Variants in AP3B2 observed in about 807,000 individuals in gnomAD.
The protein encoded by AP3B2 is AP-3 complex subunit beta-2.
A neutral mutation model predicts 126.9 loss-of-function variants in AP3B2; 50 were observed. The observed-to-expected ratio is 0.39, with a 90% CI of 0.31 to 0.50. The LOEUF (loss-of-function observed/expected upper bound fraction) is 0.50. AP3B2 is among the 20% of genes least tolerant of loss of function. AP3B2 has a pLI of 0.79. For missense variants in AP3B2, 1,177 were observed against 1,426.4 expected (o/e 0.83, Z 2.82); for synonymous variants, 541 against 565.0 (o/e 0.96, Z 0.60).
At chr15:82,684,661 C>T (rs2048396749) in intron 4 of AP3B2, among the ~76,000 whole-genome samples, 2 of 152,146 alleles carry the variant, frequency 1.3e-5, no homozygotes, top group Non-Finnish European at 2.9e-5. Flanking sequence ...ACTACAGGTG[C>T]GTACCACCAC....
chr15:82,683,052 T>G (rs997657689), intron 4 of AP3B2, among the ~76,000 whole-genome samples: 9 of 74,300 alleles, frequency 1.2e-4, no homozygotes, highest in African/African-American at 2.9e-4. Context: ...CAGGAGTTTT[T>G]TTTTTTTTTT....
Position 82,680,850 on chromosome 15 carries a change from C to T in AP3B2, c.758G>A (p.Ser253Asn). 6.2e-7 allele frequency: 1 copy of T among 1,613,660 alleles called. No individual in the cohort carries two copies. Among genetic ancestry groups the T allele is most frequent in the Non-Finnish European group, 8.5e-7 (1 of 1,179,722 alleles). The stretch of plus-strand genomic sequence containing the variant: ...GGGCCCACTTACGTTCTGGGTGGGG[C>T]TCAGGAACTGCGTGCGGGCGTAGCG... ...LTRYARTQFL[S>N]PTQNESLLEE... is the part of the protein sequence containing the mutation. Residue 253 changes from serine to asparagine, a missense_variant, in exon 7 of 27, where the codon AGC (serine) becomes AAC (asparagine). By Grantham distance (46) the Ser-to-Asn change is conservative. Coordinates refer to ENST00000535359, the MANE Select transcript of AP3B2 (RefSeq NM_001278512.2). The surrounding 1 kb of genome is among the most constrained non-coding windows in gnomAD (Gnocchi z 6.1).
At chr15:82,666,298 C>G (rs1444526689) in intron 15 of AP3B2, among the ~76,000 whole-genome samples, 1 of 152,214 alleles carries the variant, frequency 6.6e-6, no homozygotes, top group African/African-American at 2.4e-5. Flanking sequence ...GCCCTGGGGC[C>G]TGGGATTTGG....
chr15:82,679,883 C>CCAG (rs1433243556), intron 9 of AP3B2, 83 bp from the exon 10 acceptor site: 1 of 1,304,334 alleles, frequency 7.7e-7, no homozygotes, highest in East Asian at 2.4e-5. Flanking sequence ...CTATCCTGAC[C>CCAG]CAGCGCCCAG....
chr15:82,689,346 C>A, intron 2 of AP3B2, 32 bp downstream of exon 2: 1 of 1,612,928 alleles, frequency 6.2e-7, no homozygotes, highest in Non-Finnish European at 8.5e-7. Flanking sequence ...CCAGGCCCCG[C>A]CCGGAGGGAG....
At chr15:82,673,926 TA>T (rs1362762398) in intron 14 of AP3B2, among the ~76,000 whole-genome samples, 9 of 152,176 alleles carry the variant, frequency 5.9e-5, no homozygotes, top group Admixed American at 5.2e-4. Context: ...ACCTGACACA[TA>T]AAAGCAAACT....
intron 4 of AP3B2, chr15:82,687,189 T>C (rs1409444883): frequency 2.0e-5 from 3 of 152,230 alleles, no homozygotes; most frequent in Non-Finnish European, 4.4e-5. Context: ...GAGCAAAGGC[T>C]GGCATGCTAC....
At chr15:82,683,300 A>G (rs903848976) in intron 4 of AP3B2, among the ~76,000 whole-genome samples, 5 of 151,814 alleles carry the variant, frequency 3.3e-5, no homozygotes, top group Non-Finnish European at 5.9e-5. Context: ...CTCGTGATCC[A>G]CCCACCTCGG....
At chr15:82,699,920 G>T in intron 1 of AP3B2, 1 of 399,156 alleles carries the variant, frequency 2.5e-6, no homozygotes. Flanking sequence ...GGGCGCTGGG[G>T]CTCCTGTCAC....
chr15:82,681,680 T>A lies in AP3B2; in HGVS notation c.361-100A>T. ...GTCACTGTCCCCAGCGACCACTAGC[T>A]CTTGCTTCCCTGCCGCTTGACTGGA... On this transcript the variant is annotated intron_variant, in intron 4 of 26. Transcript: ENST00000535359. This position sits in a 1 kb window ranked among gnomAD's most constrained non-coding sequence, Gnocchi z 4.0. 1 of 1,309,616 alleles carries A rather than the reference T, an allele frequency of 7.6e-7. No homozygotes were observed. Among genetic ancestry groups the A allele is most frequent in the Non-Finnish European group, 1.0e-6 (1 of 958,528 alleles). The allele number at this position is 1,309,616 out of a possible 1,614,324, so 81.1% of individuals were successfully genotyped here. A position where few individuals can be genotyped will look rare whatever the true frequency, so the allele number is the denominator to read the frequency against.
intron 25 of AP3B2, 138 bp from the exon 26 acceptor site, chr15:82,660,121 T>G (rs989801258): frequency 1.7e-6 from 2 of 1,161,120 alleles, no homozygotes; most frequent in African/African-American, 3.1e-5. Flanking sequence ...AAATCATCAG[T>G]CTTGGGGAGA....
chr15:82,681,386 C>T lies in AP3B2; in HGVS notation c.521+34G>A. ...GTGGGTTGAGAACTTAGGAACCAGC[C>T]TCCTGGGGAGCGTGGGACAGGGCTG... On this transcript the variant is annotated intron_variant, in intron 5 of 26. Coordinates refer to ENST00000535359, the MANE Select transcript of AP3B2 (RefSeq NM_001278512.2). This position sits in a 1 kb window ranked among gnomAD's most constrained non-coding sequence, Gnocchi z 4.0. The T allele has an allele frequency of 6.2e-7, 1 of 1,609,814 alleles. No homozygotes were observed. The highest frequency in any genetic ancestry group is 8.5e-7 in the Non-Finnish European group (1 of 1,177,688).
intron 1 of AP3B2, among the ~76,000 whole-genome samples, chr15:82,696,370 G>C (rs1016775248): frequency 6.6e-6 from 1 of 152,150 alleles, no homozygotes. Context: ...TTAAGGTCAG[G>C]AGTTCGAGAT....
chr15:82,685,307 C>A (rs930876916), intron 4 of AP3B2: 8 of 152,180 alleles, frequency 5.3e-5, no homozygotes, highest in Non-Finnish European at 1.0e-4. Flanking sequence ...AGGGTTGCCA[C>A]AAACCCTCAA....
chr15:82,661,695 G>C, intron 25 of AP3B2, 130 bp downstream of exon 25: 1 of 683,742 alleles, frequency 1.5e-6, no homozygotes, highest in South Asian at 1.9e-5. Flanking sequence ...TTTATCTTTG[G>C]CCCGTTACAG....
intron 1 of AP3B2, chr15:82,691,888 GTCA>G: frequency 7.9e-7 from 1 of 1,267,518 alleles, no homozygotes; most frequent in Non-Finnish European, 1.1e-6. Flanking sequence ...GGAATTTAGT[GTCA>G]TCCAATTTAT....
At chr15:82,669,900 C>G (rs1456191190) in intron 14 of AP3B2, among the ~76,000 whole-genome samples, 1 of 146,110 alleles carries the variant, frequency 6.8e-6, no homozygotes, top group African/African-American at 2.5e-5. Flanking sequence ...ACTCGGGAGG[C>G]TGAGGCAGGA....
intron 9 of AP3B2, 149 bp from the exon 10 acceptor site, chr15:82,679,949 C>A: frequency 1.1e-6 from 1 of 927,044 alleles, no homozygotes; most frequent in South Asian, 1.5e-5. Context: ...TCGTCCATCT[C>A]AGATCTGACT....
At position 82,662,818 on chromosome 15, in the gene AP3B2, C is replaced by T. The variant is rs772884144; in HGVS notation, c.2709G>A (p.Gly903=). The stretch of plus-strand genomic sequence containing the variant: ...TGTGCACGGACACCATGTGGGGATC[C>T]CCGGAGAAAGGTTGGCGGCTGAAGG... The part of the protein sequence containing the change: ...DYTFSRQPFS[G]DPHMVSVHIH... Residue 903 remains glycine (G), a synonymous_variant, in exon 23 of 27, where the codon GGG becomes GGA. Coordinates refer to ENST00000535359, the MANE Select transcript of AP3B2 (RefSeq NM_001278512.2). The T allele has an allele frequency of 1.9e-6, 3 of 1,613,766 alleles. No homozygotes were observed. Among genetic ancestry groups the T allele is most frequent in the Admixed American group, 1.7e-5 (1 of 59,998 alleles).
Sources: allele counts gnomAD v4.1 joint callset (sites outside exome capture counted in the v4.1 genomes callset), GRCh38; gene constraint gnomAD v4.1.1; non-coding constraint Gnocchi (gnomAD v3.1); transcripts MANE v1.5; gene names NCBI Gene and HGNC (gene_info 2026-07-23, HGNC 2026-07-21).